The following CORO2B variants were observed in gnomAD, a reference collection of about 807,000 sequenced individuals.
The protein encoded by CORO2B is coronin-2B.
A neutral mutation model predicts 58.8 loss-of-function variants in CORO2B; 26 were observed. The observed-to-expected ratio is 0.44, with a 90% CI of 0.32 to 0.61. The LOEUF (loss-of-function observed/expected upper bound fraction) is 0.61, where lower values mean the gene tolerates loss of function less well. Among genes scored for constraint, CORO2B ranks in the 20% least tolerant of loss-of-function variants. CORO2B has a pLI of 0.04. For synonymous variants in CORO2B, 242 were observed against 253.8 expected (o/e 0.95, Z 0.44); for missense variants, 460 against 645.1 (o/e 0.71, Z 3.11).
chr15:68,635,142 G>T (rs1900991044), intron 1 of CORO2B, among the ~76,000 whole-genome samples: 2 of 152,056 alleles, frequency 1.3e-5, no homozygotes, highest in Admixed American at 6.6e-5. Context: ...ATCCACCCTG[G>T]CCTCATTTTC....
At chr15:68,701,349 T>C (rs944769265) in intron 3 of CORO2B, among the ~76,000 whole-genome samples, 7 of 151,678 alleles carry the variant, frequency 4.6e-5, no homozygotes, top group Admixed American at 1.3e-4. Flanking sequence ...GCTCGCTCTG[T>C]CGCCCAGTCT....
At chr15:68,525,152 C>T in the CORO2B span, among the ~76,000 whole-genome samples, 2 of 152,044 alleles carry the variant, frequency 1.3e-5, no homozygotes, top group Admixed American at 1.3e-4. Flanking sequence ...ACCCCAAAAA[C>T]AAAAATAAAG....
intron 1 of CORO2B, among the ~76,000 whole-genome samples, chr15:68,643,138 T>C (rs1002103423): frequency 1.3e-5 from 2 of 152,216 alleles, no homozygotes; most frequent in African/African-American, 4.8e-5. Flanking sequence ...TCTAAAGCAA[T>C]TTAAAATAAA....
At chr15:68,671,340 A>G (rs1048110191) in intron 2 of CORO2B, among the ~76,000 whole-genome samples, 1 of 152,184 alleles carries the variant, frequency 6.6e-6, no homozygotes, top group Non-Finnish European at 1.5e-5. Flanking sequence ...TTTGAGACCC[A>G]GGAAAATTGG....
chr15:68,705,106 G>A (rs1892751010), intron 3 of CORO2B, among the ~76,000 whole-genome samples: 1 of 152,156 alleles, frequency 6.6e-6, no homozygotes, highest in African/African-American at 2.4e-5. Context: ...CATGGGTCAA[G>A]CAGAGCCCGT....
chr15:68,561,953 A>C, the CORO2B span, among the ~76,000 whole-genome samples: 1 of 152,118 alleles, frequency 6.6e-6, no homozygotes, highest in African/African-American at 2.4e-5. Flanking sequence ...AATGTGGATG[A>C]GTAGGGGGAG....
intron 1 of CORO2B, among the ~76,000 whole-genome samples, chr15:68,583,872 G>C (rs1899490381): frequency 6.6e-6 from 1 of 152,170 alleles, no homozygotes; most frequent in Non-Finnish European, 1.5e-5. Flanking sequence ...TCCCGGGTGG[G>C]AGCCCACTTG....
chr15:68,616,751 C>G (rs1033601388), intron 1 of CORO2B: 1 of 357,204 alleles, frequency 2.8e-6, no homozygotes, highest in African/African-American at 2.2e-5. Flanking sequence ...TGCACGTGGT[C>G]TCATGGGGGA....
At chr15:68,521,937 A>G in the CORO2B span, among the ~76,000 whole-genome samples, 2 of 152,044 alleles carry the variant, frequency 1.3e-5, no homozygotes, top group African/African-American at 4.8e-5. Flanking sequence ...CAAGTAGATG[A>G]GACTACAGAC....
chr15:68,644,083 T>C (rs1452101899), intron 1 of CORO2B, among the ~76,000 whole-genome samples: 1 of 152,068 alleles, frequency 6.6e-6, no homozygotes, highest in Non-Finnish European at 1.5e-5. Context: ...AACTACAAAG[T>C]ATATCAGTTA....
rs1300757338 is a variant in CORO2B, at chr15:68,686,020, GTTTTTTTTTTTTTTTTTCTTT to G, written c.217-9106_217-9086del. 3.9e-5 allele frequency among the ~76,000 whole-genome samples: 4 copies of G among 103,326 alleles called. No individual in the cohort carries two copies. In the South Asian group the frequency reaches 9.5e-4, roughly 25 times the overall value. 67.8% of individuals were successfully genotyped at this position (103,326 alleles called of 152,430 possible). On this transcript the variant is annotated intron_variant, in intron 2 of 11. Transcript: ENST00000261861. ...CTAGAAATGTTGAGCTCCTACTTCTGTTTTTTTTTTTTTTTTTCTTTTTTTTTTTTTTTTGAGACGGAGTTT... is the reference window on the plus strand; with the variant it reads ...CTAGAAATGTTGAGCTCCTACTTCTGTTTTTTTTTTTTTGAGACGGAGTTT...
At chr15:68,547,165 T>G in the CORO2B span, among the ~76,000 whole-genome samples, 1 of 152,186 alleles carries the variant, frequency 6.6e-6, no homozygotes, top group East Asian at 1.9e-4. Context: ...GCCAAATATC[T>G]GCAGCTGAGC....
At chr15:68,530,497 G>T in the CORO2B span, among the ~76,000 whole-genome samples, 2 of 152,050 alleles carry the variant, frequency 1.3e-5, no homozygotes, top group African/African-American at 2.4e-5. Context: ...TGGTGATATT[G>T]CTCAAGTCTT....
rs1188492603 is a variant in CORO2B at position 68,682,924 on chromosome 15, A to G, written c.217-12216A>G. ...GAGGTGTGTGGAATTGGGGTGTTAC[A>G]GGAAGGGCACCTGGTGGGAGAGTCC... On this transcript the variant is annotated intron_variant, in intron 2 of 11. Transcript: ENST00000261861. Among the ~76,000 whole-genome samples, 2 of 152,236 alleles carry G rather than the reference A, an allele frequency of 1.3e-5. 1 individual carries two copies. Among genetic ancestry groups the G allele is most frequent in the Admixed American group, 1.3e-4 (2 of 15,288 alleles).
intron 1 of CORO2B, 70 bp downstream of exon 1, chr15:68,579,347 G>C: frequency 8.1e-7 from 1 of 1,228,322 alleles, no homozygotes; most frequent in Non-Finnish European, 1.0e-6. Context: ...GCTGCGGGGG[G>C]CGCGGGGGTG....
At chr15:68,640,534 G>C (rs1595983677) in intron 1 of CORO2B, among the ~76,000 whole-genome samples, 1 of 149,782 alleles carries the variant, frequency 6.7e-6, no homozygotes, top group Non-Finnish European at 1.5e-5. Flanking sequence ...AAGGTGATAG[G>C]AGTATTGTAG....
the CORO2B span, among the ~76,000 whole-genome samples, chr15:68,532,147 G>A: frequency 6.6e-6 from 1 of 151,700 alleles, no homozygotes; most frequent in Non-Finnish European, 1.5e-5. Flanking sequence ...TTTTGTTTTT[G>A]TTTTGTTCTG....
intron 1 of CORO2B, among the ~76,000 whole-genome samples, chr15:68,621,391 A>G (rs1486582442): frequency 6.6e-6 from 1 of 152,210 alleles, no homozygotes; most frequent in African/African-American, 2.4e-5. Context: ...TTTCTCAGGG[A>G]CCAGAGAGGC....
intron 7 of CORO2B, 44 bp downstream of exon 7, chr15:68,714,707 C>G (rs901906602): frequency 2.0e-6 from 3 of 1,469,806 alleles, no homozygotes; most frequent in African/African-American, 1.4e-5. Context: ...TGTGGGAGAG[C>G]CCTACCCTCA....
Sources: gnomAD v4.1 joint callset for allele counts (sites outside exome capture counted in the v4.1 genomes callset) on GRCh38, gnomAD v4.1.1 for gene constraint, MANE v1.5 for transcripts, NCBI Gene and HGNC (gene_info 2026-07-23, HGNC 2026-07-21) for gene names.